Variants in DCDC1 observed in about 807,000 individuals in gnomAD.
The protein encoded by DCDC1 is doublecortin domain containing 1.
A neutral mutation model predicts 178.3 loss-of-function variants in DCDC1; 200 were observed. The ratio of observed to expected loss-of-function variants is 1.12; its 90% confidence interval spans 1.00 to 1.26. DCDC1 has a LOEUF of 1.26. Ranked by LOEUF, DCDC1 falls within the 50% of genes most tolerant of loss-of-function variation. DCDC1 has a pLI of 0.00. For missense variants in DCDC1, 1,983 were observed against 1,749.2 expected (o/e 1.13, Z -2.38); for synonymous variants, 690 against 604.8 (o/e 1.14, Z -2.07).
intron 10 of DCDC1, among the ~76,000 whole-genome samples, chr11:31,132,940 G>A (rs911542615): frequency 1.3e-5 from 2 of 152,184 alleles, no homozygotes; most frequent in Non-Finnish European, 2.9e-5. Context: ...ATGTGCACAT[G>A]TCTATAAACA....
chr11:31,022,643 T>TGTG (rs1952952445), intron 20 of DCDC1, among the ~76,000 whole-genome samples: 7 of 121,048 alleles, frequency 5.8e-5, no homozygotes, highest in African/African-American at 9.9e-5. Flanking sequence ...GTCTTTTAGT[T>TGTG]TGTGTGTGTG....
chr11:30,986,513 A>G (rs773926623), intron 20 of DCDC1, among the ~76,000 whole-genome samples: 1 of 151,906 alleles, frequency 6.6e-6, no homozygotes, highest in African/African-American at 2.4e-5. Context: ...TTGTATTTTT[A>G]GTAGAGACGG....
intron 9 of DCDC1, among the ~76,000 whole-genome samples, chr11:31,219,446 C>G (rs576172626): frequency 6.6e-6 from 1 of 152,124 alleles, no homozygotes; most frequent in African/African-American, 2.4e-5. Context: ...TGAGCAGAGG[C>G]GGGACCTATG....
At chr11:30,892,131 A>G (rs138953327) in intron 36 of DCDC1, among the ~76,000 whole-genome samples, 7 of 152,254 alleles carry the variant, frequency 4.6e-5, no homozygotes, top group Non-Finnish European at 7.3e-5. Flanking sequence ...TAAAAAGACT[A>G]CCCAAATTCA....
chr11:31,135,845 T>G (rs1963062783), intron 10 of DCDC1, among the ~76,000 whole-genome samples: 1 of 152,094 alleles, frequency 6.6e-6, no homozygotes, highest in South Asian at 2.1e-4. Flanking sequence ...TGCCATTAGA[T>G]TTTCCAGAAA....
intron 23 of DCDC1, among the ~76,000 whole-genome samples, chr11:30,924,830 T>C (rs916341219): frequency 4.6e-5 from 7 of 152,104 alleles, no homozygotes; most frequent in Admixed American, 4.6e-4. Context: ...CCCACCACTT[T>C]GGGAGGCTGA....
intron 9 of DCDC1, among the ~76,000 whole-genome samples, chr11:31,231,358 CA>C (rs1428403503): frequency 2.0e-5 from 3 of 152,076 alleles, no homozygotes; most frequent in South Asian, 2.1e-4. Context: ...AAGTTTATGA[CA>C]CTAATATTTT....
intron 1 of DCDC1, among the ~76,000 whole-genome samples, chr11:31,355,319 T>C (rs955433166): frequency 2.0e-5 from 3 of 152,142 alleles, no homozygotes; most frequent in Non-Finnish European, 4.4e-5. Context: ...GGAACATGAC[T>C]ACGCTGGAAA....
chr11:31,321,324 C>A (rs1459281953), intron 3 of DCDC1, among the ~76,000 whole-genome samples: 2 of 120,592 alleles, frequency 1.7e-5, no homozygotes, highest in African/African-American at 3.2e-5. Flanking sequence ...GGGCGTAGGA[C>A]CCTCTGAGCC....
intron 6 of DCDC1, among the ~76,000 whole-genome samples, chr11:31,294,799 AAAGAAAGAAAGAAAG>A (rs1947525002): frequency 4.9e-4 from 2 of 4,084 alleles, no homozygotes; most frequent in Admixed American, 2.7e-3. Context: ...AAATAAAGAA[AAAGAAAGAAAGAAAG>A]AAAGAAAGAA....
chr11:30,983,060 A>G (rs1483484238), intron 20 of DCDC1, among the ~76,000 whole-genome samples: 1 of 152,172 alleles, frequency 6.6e-6, no homozygotes, highest in African/African-American at 2.4e-5. Context: ...AAATGCTAAG[A>G]GTGGGGCATG....
In DCDC1 at chr11:31,001,362, A is replaced by T. The variant is rs74602257; in HGVS notation, c.2592-48794T>A. ...TTCAAAACATTTTGAGACAAAAAAA[A>T]AATAATATGTCCTTCCATTTGAACA... On this transcript the variant is annotated intron_variant, in intron 20 of 38. Transcript: ENST00000684477. Among the ~76,000 whole-genome samples, 746 of 152,330 alleles carry T rather than the reference A, an allele frequency of 4.9e-3. 14 individuals carry two copies. The highest frequency in any genetic ancestry group is 0.01 in the Middle Eastern group (3 of 294).
intron 20 of DCDC1, among the ~76,000 whole-genome samples, chr11:31,048,395 A>T (rs1190740195): frequency 1.3e-5 from 2 of 152,190 alleles, no homozygotes; most frequent in Non-Finnish European, 2.9e-5. Flanking sequence ...ACCAAATTAA[A>T]ATCTAGAAAA....
rs773050294 is a variant in DCDC1 at position 30,892,889 on chromosome 11, G to A, written c.5011C>T (p.Arg1671Ter). The A allele has an allele frequency of 2.2e-5, 36 of 1,613,716 alleles. No homozygotes were observed. The highest frequency in any genetic ancestry group is 1.9e-4 in the South Asian group (17 of 91,072). Residue 1671 changes from arginine to a stop codon, truncating the protein, a stop_gained, in exon 36 of 39, where the codon CGA (arginine) becomes TGA (stop). Coordinates refer to ENST00000684477, the MANE Select transcript of DCDC1 (RefSeq NM_001387274.1). LOFTEE classifies it high-confidence loss of function. ...CCTCCATTTAGATAAATCCACACTC[G>A]TTTTGTGTTGGGCTGCTTATACAGG... ...SNLYKQPNTK[R>*]VWIYLNGGRP... is the part of the protein sequence containing the mutation.
chr11:30,941,323 A>G (rs1457463381), intron 21 of DCDC1, among the ~76,000 whole-genome samples: 1 of 152,132 alleles, frequency 6.6e-6, no homozygotes, highest in African/African-American at 2.4e-5. Context: ...ACGGCTTTCT[A>G]TCTCAGACTA....
At chr11:31,055,387 T>C (rs919184971) in intron 20 of DCDC1, among the ~76,000 whole-genome samples, 2 of 152,346 alleles carry the variant, frequency 1.3e-5, no homozygotes, top group South Asian at 4.1e-4. Flanking sequence ...CTGGTGGGAA[T>C]GTAAACTAGT....
chr11:31,206,146 T>C (rs1971837635), intron 9 of DCDC1, among the ~76,000 whole-genome samples: 1 of 152,176 alleles, frequency 6.6e-6, no homozygotes, highest in Non-Finnish European at 1.5e-5. Flanking sequence ...TTAAAACCAG[T>C]AGGTGAAAAG....
chr11:31,296,786 A>G (rs1947713592), intron 6 of DCDC1, among the ~76,000 whole-genome samples: 1 of 152,202 alleles, frequency 6.6e-6, no homozygotes, highest in Admixed American at 6.5e-5. Flanking sequence ...CAGAGCAAAG[A>G]GGCAAAAAGC....
At chr11:31,209,333 A>G (rs1037144218) in intron 9 of DCDC1, among the ~76,000 whole-genome samples, 1 of 152,218 alleles carries the variant, frequency 6.6e-6, no homozygotes, top group Non-Finnish European at 1.5e-5. Context: ...AGTGATTTCT[A>G]AAAAGGAGAA....
Sources: gnomAD v4.1 joint callset for allele counts (sites outside exome capture counted in the v4.1 genomes callset) on GRCh38, gnomAD v4.1.1 for gene constraint, MANE v1.5 for transcripts, NCBI Gene and HGNC (gene_info 2026-07-23, HGNC 2026-07-21) for gene names.